The following HLTF variants were observed in gnomAD, a reference collection of about 807,000 sequenced individuals.
The protein encoded by HLTF is DNA-dependent ATPase/E3 ubiquitin-protein ligase HLTF.
HLTF carries 127 observed loss-of-function variants against 129.4 expected under a neutral mutation model. That is an observed-to-expected ratio of 0.98 (90% CI 0.85 to 1.14). HLTF has a LOEUF of 1.14. HLTF is among the 50% of genes most tolerant of loss of function. The probability of loss-of-function intolerance (pLI) is 0.00; values close to 1 mark genes in which losing one functional copy is unlikely to be tolerated. For synonymous variants in HLTF, 332 were observed against 388.8 expected, an observed-to-expected ratio of 0.85 and a Z score of 1.72; for missense variants, 1,139 against 1,187.1, an observed-to-expected ratio of 0.96 and a Z score of 0.60.
intron 18 of HLTF, among the ~76,000 whole-genome samples, chr3:149,044,821 C>T (rs1057080254): frequency 2.0e-5 from 3 of 152,092 alleles, no homozygotes; most frequent in African/African-American, 4.8e-5. Context: ...GTTGGTTCTA[C>T]GTTCACAATT....
At chr3:149,057,449 A>AC (rs1182226743) in intron 13 of HLTF, among the ~76,000 whole-genome samples, 1 of 152,082 alleles carries the variant, frequency 6.6e-6, no homozygotes, top group Non-Finnish European at 1.5e-5. Flanking sequence ...AAACAAACAA[A>AC]AAAACAGTAT....
intron 2 of HLTF, among the ~76,000 whole-genome samples, chr3:149,082,286 G>A (rs1000279234): frequency 6.6e-6 from 1 of 152,048 alleles, no homozygotes. Flanking sequence ...GTGAAACCCC[G>A]TCTCTACCAA....
In HLTF at chr3:149,034,944, G is replaced by A; in HGVS notation, c.2851C>T (p.Gln951Ter). The A allele has an allele frequency of 1.9e-6, 3 of 1,613,532 alleles. No homozygotes were observed. The highest frequency in any genetic ancestry group is 1.7e-6 in the Non-Finnish European group (2 of 1,179,548). The change falls in exon 24 of 25, where the codon CAG becomes TAG. Residue 951 changes from glutamine to a stop codon, truncating the protein, a stop_gained. Transcript: ENST00000310053. LOFTEE classifies it high-confidence loss of function. ...QCFDRCHRLG[Q>*]KQEVIITKFI... ...TTTGTGATGATAACTTCTTGCTTCT[G>A]ACCAAGTCTATGGCATCTGTCAAAG...
At chr3:149,048,744 T>C in intron 16 of HLTF, 119 bp downstream of exon 16, 3 of 681,204 alleles carry the variant, frequency 4.4e-6, no homozygotes, top group Non-Finnish European at 5.0e-6. Flanking sequence ...AAATTATTTA[T>C]ATGATTAATT....
intron 2 of HLTF, among the ~76,000 whole-genome samples, chr3:149,082,229 C>T (rs1425688091): frequency 1.3e-5 from 2 of 152,080 alleles, no homozygotes; most frequent in African/African-American, 2.4e-5. Flanking sequence ...GAGGCCGAGG[C>T]GGGCGGATCA....
intron 10 of HLTF, among the ~76,000 whole-genome samples, chr3:149,061,836 CAAA>C (rs770669148): frequency 7.6e-5 from 5 of 65,816 alleles, no homozygotes; most frequent in Admixed American, 3.5e-4. Flanking sequence ...AACTCTGTCT[CAAA>C]AAAAAAAAAA....
intron 13 of HLTF, among the ~76,000 whole-genome samples, chr3:149,058,949 A>G (rs957234539): frequency 6.6e-6 from 1 of 152,146 alleles, no homozygotes; most frequent in Non-Finnish European, 1.5e-5. Context: ...AGAATAATCC[A>G]CCCAACATGC....
At chr3:149,038,724 G>A (rs1715859724) in intron 23 of HLTF, among the ~76,000 whole-genome samples, 1 of 152,156 alleles carries the variant, frequency 6.6e-6, no homozygotes, top group Middle Eastern at 3.4e-3. Context: ...TGTTGCCTAG[G>A]CTGCTCTCAA....
intron 10 of HLTF, among the ~76,000 whole-genome samples, chr3:149,061,771 G>A (rs554664605): frequency 6.6e-6 from 1 of 151,616 alleles, no homozygotes; most frequent in African/African-American, 2.4e-5. Flanking sequence ...GGGAGGCAGA[G>A]GTTGCAGTGA....
Position 149,060,700 on chromosome 3 carries a change from C to T in HLTF, c.1241-13G>A. 1 of 1,612,436 alleles carries T rather than the reference C, an allele frequency of 6.2e-7. No homozygotes were observed. Among genetic ancestry groups the T allele is most frequent in the Non-Finnish European group, 8.5e-7 (1 of 1,179,062 alleles). On this transcript the variant is annotated splice_polypyrimidine_tract_variant and intron_variant, in intron 11 of 24. Coordinates refer to ENST00000310053, the MANE Select transcript of HLTF (RefSeq NM_003071.4). Reference sequence around the variant, plus strand: ...TTTTTCAGTTTGCCTAAAAATAAAACAAAAATAAACATAAAAATGGGCAAA... The same window carrying T: ...TTTTTCAGTTTGCCTAAAAATAAAATAAAAATAAACATAAAAATGGGCAAA...
intron 3 of HLTF, 53 bp from the exon 4 acceptor site, chr3:149,074,401 C>T (rs1363397679): frequency 6.6e-7 from 1 of 1,511,198 alleles, no homozygotes; most frequent in Non-Finnish European, 9.0e-7. Context: ...ACTTTTTATC[C>T]CCACTAAGAA....
chr3:149,034,412 G>A (rs1715393007), intron 24 of HLTF, among the ~76,000 whole-genome samples: 1 of 152,162 alleles, frequency 6.6e-6, no homozygotes, highest in African/African-American at 2.4e-5. Flanking sequence ...AATGGTAGTT[G>A]CCAGGGGCTG....
chr3:149,034,568 G>T (rs1443968183), intron 24 of HLTF, among the ~76,000 whole-genome samples: 1 of 151,992 alleles, frequency 6.6e-6, no homozygotes, highest in African/African-American at 2.4e-5. Flanking sequence ...ACTTCAAAAT[G>T]GTAAATTTTG....
chr3:149,035,275 G>GT (rs530034459), intron 23 of HLTF, among the ~76,000 whole-genome samples: 145 of 146,818 alleles, frequency 9.9e-4, no homozygotes, highest in Middle Eastern at 3.6e-3. Flanking sequence ...AATCAATTTG[G>GT]TTTTTTTTTT....
At chr3:149,085,945 T>C (rs1223958923) in intron 1 of HLTF, among the ~76,000 whole-genome samples, 3 of 152,210 alleles carry the variant, frequency 2.0e-5, no homozygotes, top group Non-Finnish European at 4.4e-5. Flanking sequence ...TGCATACAGA[T>C]AAGCTGTGAG....
intron 5 of HLTF, 85 bp downstream of exon 5, chr3:149,073,140 C>G (rs897792002): frequency 4.0e-6 from 3 of 741,090 alleles, no homozygotes; most frequent in South Asian, 4.5e-5. Flanking sequence ...AATACCCACA[C>G]GTACATATTC....
intron 10 of HLTF, among the ~76,000 whole-genome samples, chr3:149,061,962 A>G (rs1018561835): frequency 6.6e-6 from 1 of 152,230 alleles, no homozygotes. Context: ...AAATTTCATA[A>G]ATTTTGTGTA....
At chr3:149,047,625 G>C (rs1215244173) in intron 17 of HLTF, among the ~76,000 whole-genome samples, 5 of 152,090 alleles carry the variant, frequency 3.3e-5, no homozygotes, top group Admixed American at 1.3e-4. Flanking sequence ...ATGGACGACA[G>C]AGCAAGACTC....
chr3:149,067,538 T>C (rs959762643), intron 8 of HLTF, among the ~76,000 whole-genome samples: 2 of 152,106 alleles, frequency 1.3e-5, no homozygotes, highest in Non-Finnish European at 2.9e-5. Flanking sequence ...GGTCTCACAG[T>C]GTCACTGAAG....
Sources: gnomAD v4.1 joint callset for allele counts (sites outside exome capture counted in the v4.1 genomes callset) on GRCh38, gnomAD v4.1.1 for gene constraint, MANE v1.5 for transcripts, NCBI Gene and HGNC (gene_info 2026-07-23, HGNC 2026-07-21) for gene names.